Variants in SEMA3D observed in about 807,000 individuals in gnomAD.
SEMA3D encodes semaphorin 3D, also known as semaphorin-3D.
A neutral mutation model predicts 100.1 loss-of-function variants in SEMA3D; 84 were observed. The ratio of observed to expected loss-of-function variants is 0.84; its 90% confidence interval spans 0.70 to 1.01. SEMA3D has a LOEUF of 1.01. Among genes scored for constraint, SEMA3D ranks in the 50% least tolerant of loss-of-function variants. SEMA3D has a pLI of 0.00. For missense variants in SEMA3D, 875 were observed against 934.1 expected (o/e 0.94, Z 0.82); for synonymous variants, 312 against 320.7 (o/e 0.97, Z 0.29).
At chr7:85,057,410 G>A (rs1791352174) in intron 8 of SEMA3D, among the ~76,000 whole-genome samples, 2 of 152,152 alleles carry the variant, frequency 1.3e-5, no homozygotes, top group Admixed American at 1.3e-4. Flanking sequence ...AAGAAGAACA[G>A]AGCACTGACT....
chr7:85,129,943 T>C (rs938371965), intron 2 of SEMA3D, among the ~76,000 whole-genome samples: 5 of 152,090 alleles, frequency 3.3e-5, no homozygotes, highest in African/African-American at 1.2e-4. Context: ...AAAACACTTA[T>C]AATGAGTTAA....
intron 17 of SEMA3D, among the ~76,000 whole-genome samples, chr7:85,010,449 G>A (rs1294425664): frequency 3.3e-5 from 5 of 151,760 alleles, no homozygotes; most frequent in Admixed American, 6.6e-5. Flanking sequence ...AAGTGTGGAG[G>A]CAGAGAGACC....
chr7:85,130,916 A>G (rs1789709173), intron 2 of SEMA3D, among the ~76,000 whole-genome samples: 1 of 152,082 alleles, frequency 6.6e-6, no homozygotes, highest in African/African-American at 2.4e-5. Context: ...CTGTTTGTCC[A>G]TGGGCCAGTT....
At chr7:85,011,674 G>T (rs1217804185) in intron 17 of SEMA3D, among the ~76,000 whole-genome samples, 1 of 151,706 alleles carries the variant, frequency 6.6e-6, no homozygotes, top group Non-Finnish European at 1.5e-5. Flanking sequence ...AATTGCATAT[G>T]TATCGCACAG....
upstream of SEMA3D, among the ~76,000 whole-genome samples, chr7:85,191,011 AAAG>A (rs1791683385): frequency 6.6e-6 from 1 of 152,094 alleles, no homozygotes; most frequent in Admixed American, 6.6e-5. Flanking sequence ...TAAAAAAAGA[AAAG>A]AAAAAAAAAT....
rs147947508 is a variant in SEMA3D at position 85,110,067 on chromosome 7, C to T, written c.151+11674G>A. ...TGCCTCAAGGCTGAGCTCTCTTTTA[C>T]CCTGCTAGGAGAACATAGATGATCA... On this transcript the variant is annotated intron_variant, in intron 3 of 18. Transcript: ENST00000284136. 3.9e-5 allele frequency among the ~76,000 whole-genome samples: 6 copies of T among 152,068 alleles called. No homozygotes were observed. In the East Asian group the frequency reaches 9.7e-4, roughly 24 times the overall value.
chr7:85,135,207 A>G (rs1169602399), intron 2 of SEMA3D, among the ~76,000 whole-genome samples: 2 of 152,074 alleles, frequency 1.3e-5, no homozygotes, highest in East Asian at 3.9e-4. Flanking sequence ...GAATTAATGT[A>G]CTTTAAAATC....
the SEMA3D span, among the ~76,000 whole-genome samples, chr7:85,246,949 T>TA: frequency 3.7e-4 from 55 of 147,464 alleles, no homozygotes; most frequent in Non-Finnish European, 5.4e-4. Flanking sequence ...TATAAAAAGC[T>TA]AAAAAAAAAA....
At chr7:85,012,153 T>G (rs2115784788) in intron 17 of SEMA3D, among the ~76,000 whole-genome samples, 2 of 151,880 alleles carry the variant, frequency 1.3e-5, no homozygotes, top group East Asian at 3.9e-4. Flanking sequence ...TGATTAATTT[T>G]TCTAAACAAT....
At chr7:85,067,663 A>T (rs1791665138) in intron 7 of SEMA3D, among the ~76,000 whole-genome samples, 1 of 152,188 alleles carries the variant, frequency 6.6e-6, no homozygotes, top group South Asian at 2.1e-4. Flanking sequence ...TTGTCTCATA[A>T]GAGAATTTAA....
intron 11 of SEMA3D, among the ~76,000 whole-genome samples, chr7:85,038,084 T>C (rs1043438053): frequency 6.6e-5 from 10 of 151,538 alleles, no homozygotes; most frequent in African/African-American, 2.4e-4. Context: ...CATCTGGAGA[T>C]ACGTCTAATG....
Position 85,121,735 on chromosome 7 carries a change from ATTT to A in SEMA3D, c.151+3_151+5del, listed in dbSNP as rs1169035552. The A allele has an allele frequency of 6.7e-7, 1 of 1,493,794 alleles. No individual in the cohort carries two copies. Among genetic ancestry groups the A allele is most frequent in the East Asian group, 2.3e-5 (1 of 43,088 alleles). 92.5% of individuals were successfully genotyped at this position (1,493,794 alleles called of 1,614,324 possible). On this transcript the variant is annotated splice_donor_5th_base_variant and intron_variant, in intron 3 of 18. Coordinates refer to ENST00000284136, the MANE Select transcript of SEMA3D (RefSeq NM_001384900.1). ...TAAACAATTTAGAAAATATGTATAT[ATTT>A]ACCTTTGTAGGTTAGCTTGAGTCTT...
the SEMA3D span, among the ~76,000 whole-genome samples, chr7:85,221,764 T>C: frequency 2.0e-5 from 3 of 152,040 alleles, no homozygotes; most frequent in Non-Finnish European, 4.4e-5. Context: ...CAATCAATGC[T>C]ATGAATAGAA....
intron 2 of SEMA3D, among the ~76,000 whole-genome samples, chr7:85,148,905 A>C (rs2116483711): frequency 6.6e-6 from 1 of 152,184 alleles, no homozygotes; most frequent in African/African-American, 2.4e-5. Flanking sequence ...AGGTGATTTT[A>C]AGCTTTTAAA....
intron 4 of SEMA3D, among the ~76,000 whole-genome samples, chr7:85,094,110 G>A (rs985280602): frequency 3.9e-5 from 6 of 152,118 alleles, no homozygotes; most frequent in Admixed American, 6.6e-5. Context: ...TAAACAGGGT[G>A]CTTTGAGTAA....
chr7:85,142,322 C>G, intron 2 of SEMA3D: 4 of 968,652 alleles, frequency 4.1e-6, no homozygotes, highest in Non-Finnish European at 4.9e-6. Context: ...TCAGTGTCAG[C>G]CAAAGTTAAT....
the SEMA3D span, among the ~76,000 whole-genome samples, chr7:85,235,080 C>G: frequency 2.0e-5 from 3 of 152,178 alleles, no homozygotes; most frequent in East Asian, 3.8e-4. Flanking sequence ...TATAACTGTC[C>G]TAGCACTGCT....
chr7:85,135,850 T>C (rs958520061), intron 2 of SEMA3D, among the ~76,000 whole-genome samples: 12 of 151,728 alleles, frequency 7.9e-5, no homozygotes, highest in Non-Finnish European at 1.8e-4. Flanking sequence ...CGTTTCTACT[T>C]CTCCTTCTCT....
intron 12 of SEMA3D, chr7:85,027,875 T>G: frequency 1.8e-6 from 1 of 565,028 alleles, no homozygotes; most frequent in Admixed American, 2.1e-5. Flanking sequence ...CCACCTACTA[T>G]TATATGGGTG....
Sources: allele counts gnomAD v4.1 joint callset (sites outside exome capture counted in the v4.1 genomes callset), GRCh38; gene constraint gnomAD v4.1.1; transcripts MANE v1.5; gene names NCBI Gene and HGNC (gene_info 2026-07-23, HGNC 2026-07-21).